Variants in FIGNL2 observed in about 807,000 individuals in gnomAD.
FIGNL2 encodes the protein fidgetin like 2.
For synonymous variants in FIGNL2, 565 were observed against 484.0 expected, an observed-to-expected ratio of 1.17 and a Z score of -2.20; for missense variants, 1,060 against 950.2, an observed-to-expected ratio of 1.12 and a Z score of -1.52.
intron 1 of FIGNL2, among the ~76,000 whole-genome samples, chr12:51,843,225 T>C (rs1939690470): frequency 6.6e-6 from 1 of 152,154 alleles, no homozygotes; most frequent in African/African-American, 2.4e-5. Context: ...ACACAGTGCG[T>C]AGGTGCTCAA....
At chr12:51,826,016 A>C (rs989364443) in intron 1 of FIGNL2, 5 of 152,118 alleles carry the variant, frequency 3.3e-5, no homozygotes, top group Non-Finnish European at 7.4e-5. Context: ...CATTTTAGCC[A>C]GGGCAAAAAA....
chr12:51,822,424 G>C lies in FIGNL2; in HGVS notation c.-11C>G, dbSNP rs79939077. ...TGGTGTCCAGTGCATCTTCAACAGA[G>C]CTGCGGGCAAGAGACAGGAGGTCTG... On this transcript the variant is annotated splice_region_variant and 5_prime_UTR_variant, in exon 2 of 2. Coordinates refer to ENST00000618634, the MANE Select transcript of FIGNL2 (RefSeq NM_001384995.1). 1 of 1,613,080 alleles carries C rather than the reference G, an allele frequency of 6.2e-7. No individual in the cohort carries two copies. Among genetic ancestry groups the C allele is most frequent in the African/African-American group, 1.3e-5 (1 of 74,884 alleles).
At chr12:51,844,908 G>A (rs1939719399) in intron 1 of FIGNL2, 1 of 983,028 alleles carries the variant, frequency 1.0e-6, no homozygotes, top group African/African-American at 1.7e-5. Context: ...ATATGGCCAT[G>A]GAGTGAGCAC....
In FIGNL2 at chr12:51,821,540, C is replaced by T; in HGVS notation, c.874G>A (p.Asp292Asn). 6.4e-7 allele frequency: 1 copy of T among 1,561,110 alleles called. No homozygotes were observed. The highest frequency in any genetic ancestry group is 8.6e-7 in the Non-Finnish European group (1 of 1,162,538). The change falls in exon 2 of 2, where the codon GAC (aspartate) becomes AAC (asparagine). Residue 292 changes from aspartate (D) to asparagine (N), a missense_variant. Physicochemically the swap from Asp to Asn is conservative, Grantham distance 23. Coordinates refer to ENST00000618634, the MANE Select transcript of FIGNL2 (RefSeq NM_001384995.1). ...TCCGCGGCGGGGTAGGAGGCTCCGT[C>T]AGCCACGGGGGCCTTGGCGGGCTCG... Reference protein sequence around the residue: ...AYEPAKAPVADGASYPAADNG... With the variant: ...AYEPAKAPVANGASYPAADNG...
intron 1 of FIGNL2, among the ~76,000 whole-genome samples, chr12:51,844,188 C>T (rs1822184905): frequency 6.6e-6 from 1 of 152,128 alleles, no homozygotes; most frequent in African/African-American, 2.4e-5. Context: ...TCCGGAGTTA[C>T]ATCTGATTAG....
At position 51,838,956 on chromosome 12, in the gene FIGNL2, C is replaced by T. The variant is rs1487335049; in HGVS notation, c.-12+9584G>A. Among the ~76,000 whole-genome samples the T allele has an allele frequency of 2.0e-5, 3 of 152,180 alleles. No individual in the cohort carries two copies. In the East Asian group the frequency reaches 5.8e-4, roughly 29 times the overall value. On this transcript the variant is annotated intron_variant, in intron 1 of 1. Transcript: ENST00000618634. ...AAATACAGTCCCAAACCACAGCTTCCCAGGATGTCCTCGCCTGACCCCTGG... is the reference window on the plus strand; with the variant it reads ...AAATACAGTCCCAAACCACAGCTTCTCAGGATGTCCTCGCCTGACCCCTGG...
At chr12:51,833,938 T>C (rs922880883) in intron 1 of FIGNL2, among the ~76,000 whole-genome samples, 2 of 152,138 alleles carry the variant, frequency 1.3e-5, no homozygotes, top group South Asian at 4.2e-4. Context: ...GACTACAGGA[T>C]GGATGGACAG....
At chr12:51,833,405 A>G (rs556362480) in intron 1 of FIGNL2, among the ~76,000 whole-genome samples, 3 of 152,156 alleles carry the variant, frequency 2.0e-5, no homozygotes, top group African/African-American at 7.2e-5. Context: ...TTCTTAACAC[A>G]GTTGCCAGTG....
At chr12:51,834,356 C>T (rs1224621532) in intron 1 of FIGNL2, among the ~76,000 whole-genome samples, 2 of 152,144 alleles carry the variant, frequency 1.3e-5, no homozygotes, top group Non-Finnish European at 2.9e-5. Flanking sequence ...CTCAGCCCCC[C>T]AGAGACTCCA....
chr12:51,847,125 G>A (rs1674281176), intron 1 of FIGNL2: 2 of 985,306 alleles, frequency 2.0e-6, no homozygotes, highest in African/African-American at 1.7e-5. Context: ...CCCGTCCTTG[G>A]GGGCTCAGGC....
intron 1 of FIGNL2, among the ~76,000 whole-genome samples, chr12:51,836,078 T>C (rs1939574101): frequency 6.6e-6 from 1 of 152,172 alleles, no homozygotes; most frequent in South Asian, 2.1e-4. Flanking sequence ...CCCAAAGCGC[T>C]GGGATTACAG....
intron 1 of FIGNL2, among the ~76,000 whole-genome samples, chr12:51,826,780 C>G (rs1167296833): frequency 6.6e-6 from 1 of 152,192 alleles, no homozygotes; most frequent in Admixed American, 6.5e-5. Context: ...GGACCAGCCC[C>G]AACCTAAGGG....
At chr12:51,836,403 G>A (rs1268465302) in intron 1 of FIGNL2, among the ~76,000 whole-genome samples, 1 of 152,026 alleles carries the variant, frequency 6.6e-6, no homozygotes, top group African/African-American at 2.4e-5. Flanking sequence ...GGACAGATGG[G>A]GGCCAGCAGA....
intron 1 of FIGNL2, chr12:51,848,032 C>G: frequency 2.6e-6 from 2 of 769,610 alleles, no homozygotes; most frequent in Non-Finnish European, 3.2e-6. Flanking sequence ...TGTCACTGCC[C>G]CGTCACCATG....
At chr12:51,836,721 A>G (rs1012317899) in intron 1 of FIGNL2, among the ~76,000 whole-genome samples, 1 of 152,134 alleles carries the variant, frequency 6.6e-6, no homozygotes, top group Non-Finnish European at 1.5e-5. Context: ...GTCACAGTGT[A>G]ATAGGAGGAT....
rs1319066815 is a variant in FIGNL2 at position 51,818,053 on chromosome 12, A to C, written c.*2399T>G. ...ATGAGGTAGAAATGGTTACAGCGGGAGGAGAGGATCCCAGCCCCAGTCTGG... is the reference window on the plus strand; with the variant it reads ...ATGAGGTAGAAATGGTTACAGCGGGCGGAGAGGATCCCAGCCCCAGTCTGG... On this transcript the variant is annotated 3_prime_UTR_variant, in exon 2 of 2. Transcript: ENST00000618634. The C allele has an allele frequency of 6.6e-6, 1 of 152,396 alleles. No homozygotes were observed. The highest frequency in any genetic ancestry group is 2.4e-5 in the African/African-American group (1 of 41,422). The allele number at this position is 152,396 out of a possible 1,614,324, so 9.4% of individuals were successfully genotyped here.
At chr12:51,839,407 T>C (rs1326060345) in intron 1 of FIGNL2, among the ~76,000 whole-genome samples, 1 of 152,106 alleles carries the variant, frequency 6.6e-6, no homozygotes, top group Non-Finnish European at 1.5e-5. Context: ...GTTAACACTC[T>C]CTCTAAAACA....
Position 51,830,554 on chromosome 12 carries a change from C to T in FIGNL2, c.-11-8130G>A, listed in dbSNP as rs550506439. Among the ~76,000 whole-genome samples the T allele has an allele frequency of 2.6e-4, 35 of 133,082 alleles. 1 individual carries two copies. In the South Asian group the frequency reaches 5.5e-3, roughly 21 times the overall value. 87.3% of individuals were successfully genotyped at this position (133,082 alleles called of 152,430 possible). ...TCGCATGGGCTGGAGTGCAGTGGTG[C>T]GATCTCGGCTCACTGCAACCTCCCC... On this transcript the variant is annotated intron_variant, in intron 1 of 1. Coordinates refer to ENST00000618634, the MANE Select transcript of FIGNL2 (RefSeq NM_001384995.1).
At position 51,822,323 on chromosome 12, in the gene FIGNL2, TGTG is replaced by T; in HGVS notation, c.88_90del (p.His30del). 1 of 1,613,008 alleles carries T rather than the reference TGTG, an allele frequency of 6.2e-7. No homozygotes were observed. Among genetic ancestry groups the T allele is most frequent in the Non-Finnish European group, 8.5e-7 (1 of 1,179,604 alleles). On this transcript the variant is annotated inframe_deletion, in exon 2 of 2. Coordinates refer to ENST00000618634, the MANE Select transcript of FIGNL2 (RefSeq NM_001384995.1). ...CGACCCCCAGGGGGCAACTCCAACT[TGTG>T]GGCCGGCGACGGGGTGGTGGAGGAG... is the stretch of plus-strand genomic sequence containing the variant.
Sources: gnomAD v4.1 joint callset for allele counts (sites outside exome capture counted in the v4.1 genomes callset) on GRCh38, gnomAD v4.1.1 for gene constraint, MANE v1.5 for transcripts, NCBI Gene and HGNC (gene_info 2026-07-23, HGNC 2026-07-21) for gene names.